KCNH2: variants seen among roughly 807,000 people sequenced by gnomAD.
The protein encoded by KCNH2 is potassium voltage-gated channel subfamily H member 2.
KCNH2 carries 35 observed loss-of-function variants against 95.9 expected under a neutral mutation model. That is an observed-to-expected ratio of 0.37 (90% CI 0.28 to 0.48). The LOEUF is 0.48. Ranked by LOEUF, KCNH2 falls within the 20% of genes least tolerant of loss-of-function variation. The pLI, the probability that KCNH2 is intolerant of heterozygous loss-of-function variation, is 0.99. For synonymous variants in KCNH2, 786 were observed against 754.7 expected (o/e 1.04, Z -0.68); for missense variants, 1,274 against 1,702.9 (o/e 0.75, Z 4.43).
intron 7 of KCNH2, 121 bp from the exon 8 acceptor site, chr7:150,951,241 C>T (rs918568445): frequency 1.9e-5 from 19 of 1,012,270 alleles, no homozygotes; most frequent in African/African-American, 8.0e-5. Context: ...GCCCACGAGA[C>T]GCCCTTGTAC....
chr7:150,951,430 G>T lies in KCNH2; in HGVS notation c.1945+18C>A, dbSNP rs778276270. ...CCACCGTGGGCTCTCCCCGCCGCCC[G>T]CCCCTGGGCACACTCACAGCCAATG... On this transcript the variant is annotated intron_variant, in intron 7 of 14. Coordinates refer to ENST00000262186, the MANE Select transcript of KCNH2 (RefSeq NM_000238.4). 1 of 1,613,416 alleles carries T rather than the reference G, an allele frequency of 6.2e-7. No homozygotes were observed. Among genetic ancestry groups the T allele is most frequent in the Non-Finnish European group, 8.5e-7 (1 of 1,179,996 alleles).
intron 5 of KCNH2, chr7:150,955,877 C>G (rs1450230777): frequency 5.0e-6 from 5 of 1,003,888 alleles, no homozygotes; most frequent in Non-Finnish European, 6.0e-6. Flanking sequence ...CTAGGCTCCC[C>G]CGCCCCGCCG....
chr7:150,957,468 G>A lies in KCNH2; in HGVS notation c.951C>T (p.Asn317=). Residue 317 remains asparagine (N), a synonymous_variant, in exon 5 of 15, where the codon AAC becomes AAT. Coordinates refer to ENST00000262186, the MANE Select transcript of KCNH2 (RefSeq NM_000238.4). ...GCACGAGGTCGGAGTCCGAGGTGGA[G>A]TTGAGCAAGCCGCTGCGCAGTGGGT... ...AMHPLRSGLL[N]STSDSDLVRY... 2 of 1,614,032 alleles carry A rather than the reference G, an allele frequency of 1.2e-6. No homozygotes were observed. The highest frequency in any genetic ancestry group is 2.2e-5 in the South Asian group (2 of 91,066).
Position 150,962,976 on chromosome 7 carries a change from TG to T in KCNH2, c.308-3241del, listed in dbSNP as rs1377070986. Among the ~76,000 whole-genome samples, 1 of 152,134 alleles carries T rather than the reference TG, an allele frequency of 6.6e-6. No homozygotes were observed. Among genetic ancestry groups the T allele is most frequent in the Non-Finnish European group, 1.5e-5 (1 of 67,996 alleles). On this transcript the variant is annotated intron_variant, in intron 2 of 14. Transcript: ENST00000262186. This position sits in a 1 kb window ranked among gnomAD's most constrained non-coding sequence, Gnocchi z 5.7. ...CTCCATCCCACCACTGGCTGGGTTATGGGGGGATGGGAGTCCCTTCACTTGC... is the reference window on the plus strand; with the variant it reads ...CTCCATCCCACCACTGGCTGGGTTATGGGGGATGGGAGTCCCTTCACTTGC...
At position 150,973,877 on chromosome 7, in the gene KCNH2, C is replaced by A. The variant is rs541028405; in HGVS notation, c.307+834G>T. Among the ~76,000 whole-genome samples the A allele has an allele frequency of 1.6e-3, 246 of 152,352 alleles. 2 individuals carry two copies. Among genetic ancestry groups the A allele is most frequent in the Middle Eastern group, 0.01 (3 of 294 alleles). On this transcript the variant is annotated intron_variant, in intron 2 of 14. Transcript: ENST00000262186. ...GTTGAGTCAATGCTTATGGGACACACGCTAGGAAGCAGCAAGGTTTGCACG... is the reference window on the plus strand; with the variant it reads ...GTTGAGTCAATGCTTATGGGACACAAGCTAGGAAGCAGCAAGGTTTGCACG...
intron 2 of KCNH2, among the ~76,000 whole-genome samples, chr7:150,963,801 G>C (rs1176778230): frequency 1.3e-5 from 2 of 152,210 alleles, no homozygotes; most frequent in African/African-American, 4.8e-5. Context: ...AGGCAGGCAG[G>C]CTGGCCACCT....
At chr7:150,975,285 G>A (rs956691433) in intron 1 of KCNH2, among the ~76,000 whole-genome samples, 8 of 152,344 alleles carry the variant, frequency 5.3e-5, no homozygotes, top group Middle Eastern at 3.4e-3. Flanking sequence ...CCGCGGCGGA[G>A]GGATAAACAC....
intron 11 of KCNH2, 77 bp from the exon 12 acceptor site, chr7:150,947,955 G>A (rs2116934820): frequency 6.9e-7 from 1 of 1,453,056 alleles, no homozygotes. Context: ...GAGGGGACAG[G>A]AGCGAGCCCG....
Position 150,946,681 on chromosome 7 carries a change from G to A in KCNH2, c.3330+196C>T, listed in dbSNP as rs1020633703. 3.3e-5 allele frequency among the ~76,000 whole-genome samples: 5 copies of A among 152,168 alleles called. No individual in the cohort carries two copies. Among genetic ancestry groups the A allele is most frequent in the Admixed American group, 6.5e-5 (1 of 15,284 alleles). ...AGCTGTCTAGGGGCTTTGGACGGGG[G>A]ACTCTCCTGCCCTACCCTGAGCCTG... On this transcript the variant is annotated intron_variant, in intron 14 of 14. Coordinates refer to ENST00000262186, the MANE Select transcript of KCNH2 (RefSeq NM_000238.4). This position sits in a 1 kb window ranked among gnomAD's most constrained non-coding sequence, Gnocchi z 6.5.
rs1484005078 is a variant in KCNH2 at position 150,973,412 on chromosome 7, T to G, written c.307+1299A>C. ...TCCCCCAAAATGAAGACAACAGTAG[T>G]GTCTACCTCCCTGGGTTGTGAAGAG... On this transcript the variant is annotated intron_variant, in intron 2 of 14. Coordinates refer to ENST00000262186, the MANE Select transcript of KCNH2 (RefSeq NM_000238.4). 2.0e-5 allele frequency among the ~76,000 whole-genome samples: 3 copies of G among 152,200 alleles called. No homozygotes were observed. In the South Asian group the frequency reaches 6.2e-4, roughly 32 times the overall value.
At chr7:150,977,121 TC>T (rs41313107) in intron 1 of KCNH2, among the ~76,000 whole-genome samples, 1,820 of 152,096 alleles carry the variant, frequency 0.012, 45 homozygotes, top group African/African-American at 0.041. Context: ...GGTGCTGTAC[TC>T]CCGGTCCCCA....
intron 12 of KCNH2, 46 bp from the exon 13 acceptor site, chr7:150,947,560 C>A (rs748210472): frequency 4.4e-6 from 7 of 1,605,210 alleles, no homozygotes; most frequent in Non-Finnish European, 6.0e-6. Context: ...GACGCACCAC[C>A]GCTGCCACGC....
At chr7:150,963,230 G>A (rs770655520) in intron 2 of KCNH2, among the ~76,000 whole-genome samples, 2 of 152,248 alleles carry the variant, frequency 1.3e-5, no homozygotes, top group Non-Finnish European at 1.5e-5. Flanking sequence ...CAAGGAGGGC[G>A]GAGGGGGTGC....
chr7:150,978,181 G>A lies in KCNH2; in HGVS notation c.-268C>T. Reference sequence around the variant, plus strand: ...CTGCCGGCCCCCGCCGAGCCGCGGGGCCCGCTCCGCCGCGTCCCCGCGCTG... The same window carrying A: ...CTGCCGGCCCCCGCCGAGCCGCGGGACCCGCTCCGCCGCGTCCCCGCGCTG... On this transcript the variant is annotated 5_prime_UTR_variant, in exon 1 of 15. Coordinates refer to ENST00000262186, the MANE Select transcript of KCNH2 (RefSeq NM_000238.4). 1 of 145,638 alleles carries A rather than the reference G, an allele frequency of 6.9e-6. No individual in the cohort carries two copies. Among genetic ancestry groups the A allele is most frequent in the South Asian group, 2.0e-4 (1 of 5,010 alleles). 9.0% of individuals were successfully genotyped at this position (145,638 alleles called of 1,614,324 possible).
In KCNH2 at chr7:150,966,111, C is replaced by T. The variant is rs1161060883; in HGVS notation, c.308-6375G>A. 2.6e-5 allele frequency among the ~76,000 whole-genome samples: 4 copies of T among 152,230 alleles called. No homozygotes were observed. In the South Asian group the frequency reaches 6.2e-4, roughly 24 times the overall value. On this transcript the variant is annotated intron_variant, in intron 2 of 14. Coordinates refer to ENST00000262186, the MANE Select transcript of KCNH2 (RefSeq NM_000238.4). ...CTGCACCAGGTGTGAGACTTCTGAG[C>T]CTCAGTCCCCTTCAGCCCCCCTTCA...
At position 150,949,934 on chromosome 7, in the gene KCNH2, G is replaced by A. The variant is rs370393086; in HGVS notation, c.2398+234C>T. The A allele has an allele frequency of 8.9e-5, 136 of 1,524,998 alleles. No individual in the cohort carries two copies. The African/African-American group carries it at 9.5e-4, about 11-fold the overall frequency. 94.5% of individuals were successfully genotyped at this position (1,524,998 alleles called of 1,614,324 possible). A position where few individuals can be genotyped will look rare whatever the true frequency, so the allele number is the denominator to read the frequency against. On this transcript the variant is annotated intron_variant, in intron 9 of 14. Coordinates refer to ENST00000262186, the MANE Select transcript of KCNH2 (RefSeq NM_000238.4). ...GAAGCAAAAAGTGTCTGTTTGTGGC[G>A]GATCCTGAAGGGAAGGAGAATGTGG...
At chr7:150,951,313 C>A in intron 7 of KCNH2, 135 bp downstream of exon 7, 2 of 1,231,658 alleles carry the variant, frequency 1.6e-6, no homozygotes, top group Non-Finnish European at 2.3e-6. Flanking sequence ...AGCCCCCAAA[C>A]CATGTCACGA....
chr7:150,976,375 A>T (rs1460804603), intron 1 of KCNH2, among the ~76,000 whole-genome samples: 2 of 151,370 alleles, frequency 1.3e-5, no homozygotes, highest in Middle Eastern at 3.2e-3. Context: ...GGCCCCCCAG[A>T]CCTCCCAGGC....
chr7:150,968,820 G>C (rs1417581770), intron 2 of KCNH2, among the ~76,000 whole-genome samples: 1 of 152,196 alleles, frequency 6.6e-6, no homozygotes, highest in Admixed American at 6.5e-5. Flanking sequence ...GAGCAGGGGT[G>C]CTGAGGCCCC....
Sources: gnomAD v4.1 joint callset for allele counts (sites outside exome capture counted in the v4.1 genomes callset) on GRCh38, gnomAD v4.1.1 for gene constraint, Gnocchi (gnomAD v3.1) non-coding constraint, MANE v1.5 for transcripts, NCBI Gene and HGNC (gene_info 2026-07-23, HGNC 2026-07-21) for gene names.